The following TG variants were observed in gnomAD, a reference collection of about 807,000 sequenced individuals.
The protein encoded by TG is thyroglobulin.
TG carries 270 observed loss-of-function variants against 324.7 expected under a neutral mutation model. The observed-to-expected ratio is 0.83, with a 90% CI of 0.75 to 0.92. The LOEUF is 0.92. TG is among the 40% of genes least tolerant of loss of function. The pLI, the probability that TG is intolerant of heterozygous loss-of-function variation, is 0.00. For missense variants in TG, 3,591 were observed against 3,456.4 expected (o/e 1.04, Z -0.98); for synonymous variants, 1,401 against 1,327.0 (o/e 1.06, Z -1.21).
At chr8:133,115,711 A>G (rs1850626090) in intron 44 of TG, among the ~76,000 whole-genome samples, 1 of 152,210 alleles carries the variant, frequency 6.6e-6, no homozygotes, top group African/African-American at 2.4e-5. Context: ...TTACTCTGCA[A>G]TGCAGATGGG....
chr8:132,998,009 C>T (rs932315044), intron 35 of TG, among the ~76,000 whole-genome samples: 1 of 151,956 alleles, frequency 6.6e-6, no homozygotes, highest in Non-Finnish European at 1.5e-5. Flanking sequence ...GTGTCGGTGT[C>T]GAGGGACACA....
At chr8:132,972,847 C>A in intron 34 of TG, 106 bp downstream of exon 34, 1 of 1,428,608 alleles carries the variant, frequency 7.0e-7, no homozygotes, top group South Asian at 1.2e-5. Context: ...AATGAAGACT[C>A]ATTGGGTTCA....
chr8:133,089,794 C>T (rs1456852180), intron 41 of TG, among the ~76,000 whole-genome samples: 1 of 152,148 alleles, frequency 6.6e-6, no homozygotes, highest in Non-Finnish European at 1.5e-5. Context: ...GGGTAATCAG[C>T]CTCTGACCCC....
chr8:133,061,106 G>A (rs1842310951), intron 41 of TG, among the ~76,000 whole-genome samples: 1 of 152,226 alleles, frequency 6.6e-6, no homozygotes. Context: ...TGCCTCCCGG[G>A]TTCAAGCGAT....
At chr8:133,053,453 G>A (rs891429488) in intron 41 of TG, among the ~76,000 whole-genome samples, 2 of 152,264 alleles carry the variant, frequency 1.3e-5, no homozygotes, top group East Asian at 1.9e-4. Context: ...CAGCTGTCAA[G>A]CTACAGTTTT....
At chr8:133,056,998 T>TAA in intron 41 of TG, among the ~76,000 whole-genome samples, 1 of 152,172 alleles carries the variant, frequency 6.6e-6, no homozygotes, top group Non-Finnish European at 1.5e-5. Flanking sequence ...CCCAGGGGAT[T>TAA]CTGATGCAGG....
chr8:132,923,218 T>A (rs1305651995), intron 21 of TG, 120 bp from the exon 22 acceptor site: 1 of 1,147,374 alleles, frequency 8.7e-7, no homozygotes, highest in Non-Finnish European at 1.3e-6. Context: ...AGTTTTAAGC[T>A]GGAATGTCTG....
At chr8:132,963,107 G>A (rs200763324) in intron 29 of TG, 33 bp downstream of exon 29, 4 of 1,601,782 alleles carry the variant, frequency 2.5e-6, no homozygotes, top group Admixed American at 1.7e-5. Flanking sequence ...ACACACTTGG[G>A]TGTCTGAATG....
At chr8:132,999,403 T>C (rs190643156) in intron 35 of TG, among the ~76,000 whole-genome samples, 129 of 152,332 alleles carry the variant, frequency 8.5e-4, no homozygotes, top group Middle Eastern at 3.4e-3. Flanking sequence ...TATCAGCAGG[T>C]CATAAAATTA....
chr8:132,930,430 C>A (rs2078809401), intron 23 of TG, among the ~76,000 whole-genome samples: 1 of 152,156 alleles, frequency 6.6e-6, no homozygotes, highest in Admixed American at 6.5e-5. Flanking sequence ...CCTCTAATCC[C>A]AGCACTTTGG....
At chr8:133,061,089 G>A (rs1842307666) in intron 41 of TG, among the ~76,000 whole-genome samples, 1 of 152,158 alleles carries the variant, frequency 6.6e-6, no homozygotes, top group South Asian at 2.1e-4. Context: ...TCGGCTCACT[G>A]CAACCCTGCC....
chr8:132,946,827 C>T (rs888546123), intron 26 of TG, among the ~76,000 whole-genome samples: 1 of 152,164 alleles, frequency 6.6e-6, no homozygotes, highest in African/African-American at 2.4e-5. Flanking sequence ...TGACTTCCAG[C>T]CTCTCCCTGG....
chr8:133,077,036 G>A (rs1844997211), intron 41 of TG, among the ~76,000 whole-genome samples: 1 of 152,168 alleles, frequency 6.6e-6, no homozygotes, highest in African/African-American at 2.4e-5. Flanking sequence ...GGACCGAGGG[G>A]CGCAGATGTG....
intron 43 of TG, among the ~76,000 whole-genome samples, chr8:133,099,382 T>C (rs1220717692): frequency 2.0e-5 from 3 of 152,214 alleles, no homozygotes; most frequent in South Asian, 2.1e-4. Flanking sequence ...TAGGTGCTAA[T>C]TGATGAGGAG....
At chr8:132,889,404 T>C (rs972785176) in intron 10 of TG, among the ~76,000 whole-genome samples, 2 of 152,256 alleles carry the variant, frequency 1.3e-5, no homozygotes, top group African/African-American at 2.4e-5. Flanking sequence ...ATTAGACTAT[T>C]TTGATATTAG....
rs937472513 is a variant in TG, at chr8:133,069,091, AAT to A, written c.7240-25952_7240-25951del. Reference sequence around the variant, plus strand: ...AAACAGGCCTTTTCTTTTCATTTCAAATGTGGATACTTGAGAAAGGCAGGTTT... The same window carrying A: ...AAACAGGCCTTTTCTTTTCATTTCAAGTGGATACTTGAGAAAGGCAGGTTT... On this transcript the variant is annotated intron_variant, in intron 41 of 47. Coordinates refer to ENST00000220616, the MANE Select transcript of TG (RefSeq NM_003235.5). Among the ~76,000 whole-genome samples the A allele has an allele frequency of 4.1e-4, 62 of 152,248 alleles. 1 individual carries two copies. The highest frequency in any genetic ancestry group is 1.5e-5 in the Non-Finnish European group (1 of 68,040).
rs748678686 is a variant in TG, at chr8:133,095,186, T to C, written c.7382T>C (p.Val2461Ala). ...VSCLRQKPAN[V>A]LNDAQTKLLA... ...TGCCTCCGCCAGAAGCCTGCCAATG[T>C]CCTCAATGATGCCCAGACCAAGGTG... Residue 2461 changes from valine (V) to alanine (A), a missense_variant, in exon 42 of 48, where the codon GTC becomes GCC. Transcript: ENST00000220616. The C allele has an allele frequency of 2.5e-6, 4 of 1,614,092 alleles. No individual in the cohort carries two copies. The highest frequency in any genetic ancestry group is 2.7e-5 in the African/African-American group (2 of 74,924).
Position 132,971,781 on chromosome 8 carries a change from C to G in TG, c.5976-13C>G. The G allele has an allele frequency of 1.2e-6, 2 of 1,606,440 alleles. No individual in the cohort carries two copies. The highest frequency in any genetic ancestry group is 1.7e-6 in the Non-Finnish European group (2 of 1,173,018). On this transcript the variant is annotated splice_polypyrimidine_tract_variant and intron_variant, in intron 32 of 47. Coordinates refer to ENST00000220616, the MANE Select transcript of TG (RefSeq NM_003235.5). ...GAAAACCTTCAGGCCTGCTCTTTCT[C>G]TTCCTATGCCAGGTTCTTTGAATGT...
At chr8:132,869,597 C>T (rs980981518) in intron 2 of TG, 132 bp from the exon 3 acceptor site, 3 of 789,970 alleles carry the variant, frequency 3.8e-6, no homozygotes, top group African/African-American at 3.4e-5. Flanking sequence ...TTCTCCACTC[C>T]ACTCTCTCCC....
Sources: allele counts gnomAD v4.1 joint callset (sites outside exome capture counted in the v4.1 genomes callset), GRCh38; gene constraint gnomAD v4.1.1; transcripts MANE v1.5; gene names NCBI Gene and HGNC (gene_info 2026-07-23, HGNC 2026-07-21).